The following CCSER1 variants were observed in gnomAD, a reference collection of about 807,000 sequenced individuals.
The protein encoded by CCSER1 is coiled-coil serine rich protein 1.
A neutral mutation model predicts 82.0 loss-of-function variants in CCSER1; 41 were observed. The ratio of observed to expected loss-of-function variants is 0.50; its 90% CI spans 0.39 to 0.65. CCSER1 has a LOEUF of 0.65. Among genes scored for constraint, CCSER1 ranks in the 30% least tolerant of loss-of-function variants. The pLI is 0.00. For synonymous variants in CCSER1, 414 were observed against 383.9 expected, an observed-to-expected ratio of 1.08 and a Z score of -0.92; for missense variants, 1,119 against 1,064.2, an observed-to-expected ratio of 1.05 and a Z score of -0.72.
intron 10 of CCSER1, among the ~76,000 whole-genome samples, chr4:91,557,508 T>C (rs1226579909): frequency 6.6e-6 from 1 of 151,414 alleles, no homozygotes; most frequent in African/African-American, 2.4e-5. Flanking sequence ...CATAAATAAA[T>C]AAACAATATT....
intron 9 of CCSER1, among the ~76,000 whole-genome samples, chr4:91,049,464 G>A (rs1037621424): frequency 7.2e-5 from 11 of 152,202 alleles, no homozygotes; most frequent in African/African-American, 2.7e-4. Context: ...GTTGAAGCTA[G>A]TGGAGAAACA....
intron 4 of CCSER1, among the ~76,000 whole-genome samples, chr4:90,467,417 G>C (rs572653224): frequency 1.3e-5 from 2 of 151,876 alleles, no homozygotes; most frequent in Non-Finnish European, 2.9e-5. Flanking sequence ...CCTGGCTGGT[G>C]GCTCATGCCT....
At chr4:90,760,343 A>C (rs781091572) in intron 7 of CCSER1, among the ~76,000 whole-genome samples, 1 of 152,088 alleles carries the variant, frequency 6.6e-6, no homozygotes, top group African/African-American at 2.4e-5. Context: ...GCAGAAGCAG[A>C]TATGAGCTAA....
intron 7 of CCSER1, among the ~76,000 whole-genome samples, chr4:90,771,565 T>TAAAAAAAAAAAAAAAA (rs34848155): frequency 1.0e-5 from 1 of 98,340 alleles, no homozygotes; most frequent in African/African-American, 3.2e-5. Flanking sequence ...TGCCGGGCAC[T>TAAAAAAAAAAAAAAAA]AAAAAAAAAA....
At chr4:90,201,964 A>T (rs1472563985) in intron 1 of CCSER1, among the ~76,000 whole-genome samples, 3 of 152,154 alleles carry the variant, frequency 2.0e-5, no homozygotes, top group African/African-American at 7.2e-5. Context: ...TAATTTAAGG[A>T]GTGTATAGTA....
At chr4:90,653,050 A>G (rs958639560) in intron 6 of CCSER1, among the ~76,000 whole-genome samples, 2 of 129,628 alleles carry the variant, frequency 1.5e-5, no homozygotes, top group African/African-American at 5.7e-5. Context: ...ATGCATTTCA[A>G]GTCGTTTAAC....
intron 7 of CCSER1, among the ~76,000 whole-genome samples, chr4:90,801,845 A>G (rs1016541545): frequency 2.6e-5 from 4 of 152,206 alleles, no homozygotes; most frequent in Admixed American, 2.6e-4. Flanking sequence ...GTTTAGTTTT[A>G]TTTCAAAACT....
At chr4:90,413,811 T>C (rs899475333) in intron 4 of CCSER1, among the ~76,000 whole-genome samples, 4 of 148,914 alleles carry the variant, frequency 2.7e-5, no homozygotes, top group Admixed American at 6.7e-5. Flanking sequence ...TAGCCGCGCG[T>C]AGTGGCGGGC....
intron 1 of CCSER1, among the ~76,000 whole-genome samples, chr4:90,271,859 TA>T (rs1215745637): frequency 0.01 from 314 of 30,534 alleles, 4 homozygotes; most frequent in Non-Finnish European, 0.013. Flanking sequence ...TATATATATA[TA>T]TATTTTTTTT....
chr4:91,447,396 C>A (rs918670025), intron 10 of CCSER1, among the ~76,000 whole-genome samples: 21 of 151,708 alleles, frequency 1.4e-4, no homozygotes, highest in African/African-American at 4.6e-4. Flanking sequence ...CCCCCCTAAA[C>A]CTGCTATTTC....
intron 10 of CCSER1, among the ~76,000 whole-genome samples, chr4:91,357,956 A>G (rs1748969748): frequency 7.5e-6 from 1 of 133,768 alleles, no homozygotes; most frequent in South Asian, 2.5e-4. Flanking sequence ...CTTTGGGACT[A>G]AGGCCACAAG....
In CCSER1 at chr4:90,628,103, A is replaced by G. The variant is rs375966943; in HGVS notation, c.1803A>G (p.Pro601=). The G allele has an allele frequency of 1.7e-5, 27 of 1,613,666 alleles. No individual in the cohort carries two copies. The African/African-American group carries it at 2.9e-4, about 18-fold the overall frequency. Residue 601 remains proline (P), a synonymous_variant, in exon 6 of 11, where the codon CCA becomes CCG. Transcript: ENST00000509176. ...CSHISRMPNS[P]SADWPLQGVE... is the part of the protein sequence containing the mutation. ...ACATCAGCCGAATGCCCAACAGTCCATCTGCGGATTGGCCTCTACAAGGTG... is the reference window on the plus strand; with the variant it reads ...ACATCAGCCGAATGCCCAACAGTCCGTCTGCGGATTGGCCTCTACAAGGTG...
At chr4:90,155,488 A>G (rs1727920193) in intron 1 of CCSER1, among the ~76,000 whole-genome samples, 1 of 152,088 alleles carries the variant, frequency 6.6e-6, no homozygotes, top group African/African-American at 2.4e-5. Context: ...GGTAGAATTC[A>G]GCTGTGAATC....
In CCSER1 at chr4:91,478,512, G is replaced by A. The variant is rs115584560; in HGVS notation, c.2218-120060G>A. Among the ~76,000 whole-genome samples, 852 of 151,926 alleles carry A rather than the reference G, an allele frequency of 5.6e-3. 5 individuals carry two copies. The highest frequency in any genetic ancestry group is 0.016 in the African/African-American group (674 of 41,530). On this transcript the variant is annotated intron_variant, in intron 10 of 10. Transcript: ENST00000509176. Reference sequence around the variant, plus strand: ...AGTCACTAAAAAAGATGAAAAAATCGTAACAGTCTCAGAGATTCTGCATTC... The same window carrying A: ...AGTCACTAAAAAAGATGAAAAAATCATAACAGTCTCAGAGATTCTGCATTC...
At chr4:90,873,870 A>G (rs1766868006) in intron 8 of CCSER1, among the ~76,000 whole-genome samples, 1 of 152,182 alleles carries the variant, frequency 6.6e-6, no homozygotes, top group Non-Finnish European at 1.5e-5. Flanking sequence ...TGACATTCAT[A>G]GTCCCAATGA....
At chr4:91,205,036 AAT>A (rs1464231263) in intron 10 of CCSER1, among the ~76,000 whole-genome samples, 1 of 151,770 alleles carries the variant, frequency 6.6e-6, no homozygotes, top group Non-Finnish European at 1.5e-5. Flanking sequence ...AAATTAAAAC[AAT>A]AGTTATTATT....
rs529499263 is a variant in CCSER1 at position 91,528,830 on chromosome 4, T to C, written c.2218-69742T>C. On this transcript the variant is annotated intron_variant, in intron 10 of 10. Transcript: ENST00000509176. ...TAATACAATGTTAATAAATACATCA[T>C]TCAGAGAAAGTTATGCAGAGTGGAA... Among the ~76,000 whole-genome samples, 20 of 152,196 alleles carry C rather than the reference T, an allele frequency of 1.3e-4. No individual in the cohort carries two copies. The South Asian group carries it at 4.1e-3, about 32-fold the overall frequency.
intron 8 of CCSER1, among the ~76,000 whole-genome samples, chr4:90,916,503 A>C (rs191101607): frequency 2.0e-5 from 3 of 152,274 alleles, no homozygotes; most frequent in East Asian, 3.9e-4. Context: ...CACCTTATAC[A>C]AAAATTAATT....
At chr4:90,165,685 A>G (rs1429854066) in intron 1 of CCSER1, among the ~76,000 whole-genome samples, 1 of 152,088 alleles carries the variant, frequency 6.6e-6, no homozygotes, top group Non-Finnish European at 1.5e-5. Context: ...TACACATGTC[A>G]TACATACTAA....
Sources: gnomAD v4.1 joint callset for allele counts (sites outside exome capture counted in the v4.1 genomes callset) on GRCh38, gnomAD v4.1.1 for gene constraint, MANE v1.5 for transcripts, NCBI Gene and HGNC (gene_info 2026-07-23, HGNC 2026-07-21) for gene names.